Variants in OSMR observed in about 807,000 individuals in gnomAD.
The protein encoded by OSMR is oncostatin-M-specific receptor subunit beta.
In OSMR, 81 loss-of-function variants were observed where a neutral mutation model predicts 99.9. The observed-to-expected ratio is 0.81, with a 90% CI of 0.68 to 0.97. OSMR has a LOEUF of 0.97. OSMR is among the 50% of genes least tolerant of loss of function. The pLI, the probability that OSMR is intolerant of heterozygous loss-of-function variation, is 0.00. For missense variants in OSMR, 1,099 were observed against 1,153.4 expected (o/e 0.95, Z 0.68); for synonymous variants, 406 against 410.4 (o/e 0.99, Z 0.13).
Position 38,884,096 on chromosome 5 carries a change from G to A in OSMR, c.688G>A (p.Val230Ile), listed in dbSNP as rs746593594. ...TGTCAGTGAAGGCATGAAAGGCATC[G>A]TTCTTTTTGTCTCAAGTAAGTGTGC... ...GNVSEGMKGI[V>I]LFVSKVLEEP... Residue 230 changes from valine (V) to isoleucine (I), a missense_variant, in exon 5 of 18, where the codon GTT becomes ATT. Coordinates refer to ENST00000274276, the MANE Select transcript of OSMR (RefSeq NM_003999.3). 2.2e-5 allele frequency: 36 copies of A among 1,613,098 alleles called. No homozygotes were observed. The Admixed American group carries it at 3.2e-4, about 14-fold the overall frequency.
At position 38,886,357 on chromosome 5, in the gene OSMR, AT is replaced by A. The variant is rs1452253156; in HGVS notation, c.991+168del. On this transcript the variant is annotated intron_variant, in intron 7 of 17. Coordinates refer to ENST00000274276, the MANE Select transcript of OSMR (RefSeq NM_003999.3). The stretch of plus-strand genomic sequence containing the variant: ...CACGTTTCTCCTCATGGATGCACGC[AT>A]CCCCTATTATTTGTTTCTTTTAATA... 3 of 1,434,634 alleles carry A rather than the reference AT, an allele frequency of 2.1e-6. No homozygotes were observed. The Admixed American group carries it at 8.7e-5, about 42-fold the overall frequency. 88.9% of individuals were successfully genotyped at this position (1,434,634 alleles called of 1,614,324 possible).
At chr5:38,940,143 C>CA (rs68031684), downstream of OSMR, 608 of 182,156 alleles carry the variant, frequency 3.3e-3, 1 homozygote, top group Middle Eastern at 5.3e-3. Flanking sequence ...AAAAAAAAAA[C>CA]AAAAAAAAAA....
chr5:38,922,774 T>C (rs944914602), intron 12 of OSMR, among the ~76,000 whole-genome samples: 7 of 152,140 alleles, frequency 4.6e-5, no homozygotes, highest in African/African-American at 1.7e-4. Context: ...TTTTTCATTC[T>C]TTTTTGGGGG....
At chr5:38,879,553 A>G (rs879244696) in intron 3 of OSMR, among the ~76,000 whole-genome samples, 1 of 151,506 alleles carries the variant, frequency 6.6e-6, no homozygotes, top group African/African-American at 2.4e-5. Context: ...TTGGCATTAG[A>G]GCGAAGTTGC....
intron 15 of OSMR, among the ~76,000 whole-genome samples, chr5:38,930,040 C>T (rs1319495822): frequency 6.6e-6 from 1 of 152,188 alleles, no homozygotes; most frequent in Non-Finnish European, 1.5e-5. Flanking sequence ...TCCTCCAGCC[C>T]TTTCTCCTCC....
rs780751038 is a variant in OSMR at position 38,883,920 on chromosome 5, G to A, written c.512G>A (p.Arg171Lys). 7 of 1,613,726 alleles carry A rather than the reference G, an allele frequency of 4.3e-6. No homozygotes were observed. The highest frequency in any genetic ancestry group is 5.9e-6 in the Non-Finnish European group (7 of 1,179,862). Reference sequence around the variant, plus strand: ...AATGTTACCATTTGTTACGTTTCTAGGAACATTCAAAATAATGTATCCTGT... The same window carrying A: ...AATGTTACCATTTGTTACGTTTCTAAGAACATTCAAAATAATGTATCCTGT... ...GTNVTICYVS[R>K]NIQNNVSCYL... Residue 171 changes from arginine to lysine, a missense_variant, in exon 5 of 18, where the codon AGG becomes AAG. Transcript: ENST00000274276.
chr5:38,931,323 A>T (rs989901228), intron 15 of OSMR, among the ~76,000 whole-genome samples: 1 of 152,132 alleles, frequency 6.6e-6, no homozygotes, highest in Non-Finnish European at 1.5e-5. Flanking sequence ...GCTGATCTAG[A>T]CTGGGGTAAG....
At chr5:38,927,048 T>A (rs890231122) in intron 15 of OSMR, among the ~76,000 whole-genome samples, 1 of 152,190 alleles carries the variant, frequency 6.6e-6, no homozygotes, top group African/African-American at 2.4e-5. Flanking sequence ...CAAAATGATC[T>A]CCTTTGACTC....
At chr5:38,899,600 A>G (rs1053561779) in intron 7 of OSMR, among the ~76,000 whole-genome samples, 1 of 152,142 alleles carries the variant, frequency 6.6e-6, no homozygotes. Flanking sequence ...TCAGGGCCCA[A>G]GTACTCTTTA....
At chr5:38,862,010 C>A (rs1413609022) in intron 1 of OSMR, among the ~76,000 whole-genome samples, 1 of 124,228 alleles carries the variant, frequency 8.0e-6, no homozygotes, top group Non-Finnish European at 1.7e-5. Flanking sequence ...GGCGGCTGGC[C>A]GGGCAGAGGG....
intron 2 of OSMR, among the ~76,000 whole-genome samples, chr5:38,875,232 C>T (rs1561354051): frequency 6.6e-6 from 1 of 152,214 alleles, no homozygotes; most frequent in Non-Finnish European, 1.5e-5. Flanking sequence ...TTCTGATACC[C>T]TCACAGTTGA....
At chr5:38,932,085 A>C in intron 16 of OSMR, 121 bp downstream of exon 16, 2 of 836,060 alleles carry the variant, frequency 2.4e-6, no homozygotes, top group Non-Finnish European at 2.0e-6. Flanking sequence ...GAAAAGAACA[A>C]AGGAGGCTGG....
chr5:38,942,454 T>C, intron 1 of OSMR: 1 of 617,512 alleles, frequency 1.6e-6, no homozygotes, highest in Non-Finnish European at 2.5e-6. Context: ...AATATCTAAT[T>C]TTTTTTTTTT....
At chr5:38,872,795 A>T (rs1240680466) in intron 2 of OSMR, among the ~76,000 whole-genome samples, 1 of 152,224 alleles carries the variant, frequency 6.6e-6, no homozygotes, top group Non-Finnish European at 1.5e-5. Flanking sequence ...TCCTTTAAAA[A>T]TCATAAAATG....
chr5:38,940,598 A>G (rs1163256752), downstream of OSMR: 2 of 232,622 alleles, frequency 8.6e-6, no homozygotes, highest in African/African-American at 4.4e-5. Context: ...GAAAATCTGA[A>G]GAACCACTTT....
At chr5:38,875,543 A>G (rs934004415) in intron 2 of OSMR, among the ~76,000 whole-genome samples, 4 of 152,246 alleles carry the variant, frequency 2.6e-5, no homozygotes, top group Admixed American at 2.6e-4. Flanking sequence ...AGACTGTGTC[A>G]TACCACTAAC....
At position 38,931,650 on chromosome 5, in the gene OSMR, T is replaced by C. The variant is rs185519939; in HGVS notation, c.2213-233T>C. 1.5e-3 allele frequency: 397 copies of C among 260,316 alleles called. 1 individual carries two copies. The highest frequency in any genetic ancestry group is 3.8e-3 in the Middle Eastern group (2 of 520). The allele number at this position is 260,316 out of a possible 1,614,324, so 16.1% of individuals were successfully genotyped here. A position where few individuals can be genotyped will look rare whatever the true frequency, so the allele number is the denominator to read the frequency against. ...GATCCAATCTATCAGAAGAGATAGA[T>C]AGTAACAAATTTGAGACACACGGTG... is the stretch of plus-strand genomic sequence containing the variant. On this transcript the variant is annotated intron_variant, in intron 15 of 17. Transcript: ENST00000274276.
Position 38,883,809 on chromosome 5 carries a change from T to TA in OSMR, c.419-17dup. 5 of 1,612,234 alleles carry TA rather than the reference T, an allele frequency of 3.1e-6. No individual in the cohort carries two copies. Among genetic ancestry groups the TA allele is most frequent in the Non-Finnish European group, 4.2e-6 (5 of 1,179,964 alleles). ...ATTTTGAGTGCGATTCTAACTTGGC[T>TA]ATTTTTTTTTCTTGCAGTACAAGAT... On this transcript the variant is annotated splice_polypyrimidine_tract_variant and intron_variant, in intron 4 of 17. Transcript: ENST00000274276.
Position 38,918,955 on chromosome 5 carries a change from C to T in OSMR, c.1478C>T (p.Thr493Ile), listed in dbSNP as rs373485531. 28 of 1,614,026 alleles carry T rather than the reference C, an allele frequency of 1.7e-5. No individual in the cohort carries two copies. The highest frequency in any genetic ancestry group is 1.0e-4 in the Admixed American group (6 of 60,006). The change falls in exon 11 of 18, where the codon ACA becomes ATA. Residue 493 changes from threonine to isoleucine, a missense_variant. Physicochemically the swap from Thr to Ile is moderately conservative, Grantham distance 89. Coordinates refer to ENST00000274276, the MANE Select transcript of OSMR (RefSeq NM_003999.3). ...LHSIPAPANSTKLILDRCSYQ... is the reference protein window; with the variant it reads ...LHSIPAPANSIKLILDRCSYQ... ...TCCATTCCAGCACCAGCCAACAGCA[C>T]AAAACTAATCCTTGACAGGTGTTCC...
Sources: allele counts gnomAD v4.1 joint callset (sites outside exome capture counted in the v4.1 genomes callset), GRCh38; gene constraint gnomAD v4.1.1; transcripts MANE v1.5; gene names NCBI Gene and HGNC (gene_info 2026-07-23, HGNC 2026-07-21).